SIK3: variants seen among roughly 807,000 people sequenced by gnomAD.
SIK3 encodes serine/threonine-protein kinase SIK3.
Under a neutral mutation model 144.2 loss-of-function variants are expected in SIK3, and 28 were observed. The observed-to-expected ratio is 0.19, with a 90% CI of 0.14 to 0.27. SIK3 has a LOEUF of 0.27. Ranked by LOEUF, SIK3 falls within the 10% of genes least tolerant of loss-of-function variation. The pLI, the probability that SIK3 is intolerant of heterozygous loss-of-function variation, is 1.00. For synonymous variants in SIK3, 686 were observed against 676.3 expected (o/e 1.01, Z -0.22); for missense variants, 1,319 against 1,776.0 (o/e 0.74, Z 4.62).
chr11:117,084,006 C>A (rs1463946715), intron 1 of SIK3, among the ~76,000 whole-genome samples: 1 of 152,180 alleles, frequency 6.6e-6, no homozygotes, highest in Non-Finnish European at 1.5e-5. Flanking sequence ...CCTCGAAGTA[C>A]ACACTATAAA....
chr11:116,859,866 G>A (rs1426750498), intron 19 of SIK3, among the ~76,000 whole-genome samples: 2 of 152,160 alleles, frequency 1.3e-5, no homozygotes, highest in African/African-American at 4.8e-5. Context: ...CTTAAAAGCT[G>A]GTCCATGGAT....
chr11:116,886,024 CCTT>C (rs1944799431), intron 6 of SIK3, among the ~76,000 whole-genome samples: 1 of 152,142 alleles, frequency 6.6e-6, no homozygotes, highest in African/African-American at 2.4e-5. Flanking sequence ...CTTGGAATGT[CCTT>C]CTTTTATTTT....
At chr11:116,991,327 A>C (rs1950494787) in intron 1 of SIK3, among the ~76,000 whole-genome samples, 1 of 152,156 alleles carries the variant, frequency 6.6e-6, no homozygotes, top group Non-Finnish European at 1.5e-5. Flanking sequence ...CACGCCCGTA[A>C]TCTCACCTAC....
rs183413083 is a variant in SIK3, at chr11:116,993,743, C to T, written c.274-36679G>A. Among the ~76,000 whole-genome samples, 314 of 152,190 alleles carry T rather than the reference C, an allele frequency of 2.1e-3. 3 individuals are homozygous for T. Among genetic ancestry groups the T allele is most frequent in the African/African-American group, 7.1e-3 (293 of 41,530 alleles). ...AGGAAACCAAACAGTAAAGAATGAG[C>T]GGAAAAATCATTAGCTGAAAAACCT... On this transcript the variant is annotated intron_variant, in intron 1 of 24. Coordinates refer to ENST00000445177, the MANE Select transcript of SIK3 (RefSeq NM_001366686.3).
chr11:117,089,060 C>T (rs139673740), intron 1 of SIK3, among the ~76,000 whole-genome samples: 34 of 151,970 alleles, frequency 2.2e-4, no homozygotes, highest in African/African-American at 5.1e-4. Flanking sequence ...AGAAAATAAA[C>T]GGCATCTAGC....
chr11:116,848,761 G>C (rs979883164), intron 22 of SIK3, among the ~76,000 whole-genome samples: 2 of 152,100 alleles, frequency 1.3e-5, no homozygotes, highest in African/African-American at 4.8e-5. Flanking sequence ...TCAGGAATTC[G>C]AGACCAGCCT....
intron 4 of SIK3, among the ~76,000 whole-genome samples, chr11:116,921,699 G>A (rs770627415): frequency 1.3e-5 from 2 of 152,046 alleles, no homozygotes; most frequent in Non-Finnish European, 2.9e-5. Context: ...AATGATCAAG[G>A]CTTCTTCTGT....
intron 15 of SIK3, chr11:116,864,093 T>A: frequency 3.5e-6 from 1 of 286,204 alleles, no homozygotes; most frequent in Non-Finnish European, 6.6e-6. Flanking sequence ...CCAGTTCTTA[T>A]AAATACACTA....
At position 116,846,515 on chromosome 11, in the gene SIK3, G is replaced by T. The variant is rs747405169; in HGVS notation, c.3991C>A (p.Leu1331Met). 1 of 1,614,154 alleles carries T rather than the reference G, an allele frequency of 6.2e-7. No individual in the cohort carries two copies. The highest frequency in any genetic ancestry group is 8.5e-7 in the Non-Finnish European group (1 of 1,180,014). ...ASLGGHEHPD[L>M]SDGSQHLNSS... Reference sequence around the variant, plus strand: ...TTTAAATGCTGGCTGCCATCACTCAGGTCTGGGTGCTCATGACCTCCCAGG... The same window carrying T: ...TTTAAATGCTGGCTGCCATCACTCATGTCTGGGTGCTCATGACCTCCCAGG... The change falls in exon 24 of 25, where the codon CTG becomes ATG. Residue 1331 changes from leucine (L) to methionine (M), a missense_variant. Leu to Met is a conservative substitution (Grantham distance 15). This residue lies in a region of SIK3 where 646 missense variants were observed against 763.7 expected (regional missense o/e 0.85). Coordinates refer to ENST00000445177, the MANE Select transcript of SIK3 (RefSeq NM_001366686.3). The surrounding 1 kb of genome is among the most constrained non-coding windows in gnomAD (Gnocchi z 4.1).
intron 1 of SIK3, among the ~76,000 whole-genome samples, chr11:116,967,014 AG>A (rs201491176): frequency 0.04 from 5,558 of 139,350 alleles, 352 homozygotes; most frequent in African/African-American, 0.096. Context: ...AAAAAAAAAA[AG>A]AAAAAGAAAA....
intron 3 of SIK3, among the ~76,000 whole-genome samples, chr11:116,951,629 A>G (rs1343188498): frequency 6.6e-6 from 1 of 152,146 alleles, no homozygotes; most frequent in East Asian, 1.9e-4. Flanking sequence ...GGACCAAGAA[A>G]CGGATCTCTC....
chr11:116,976,355 A>G (rs901189400), intron 1 of SIK3, among the ~76,000 whole-genome samples: 35 of 152,360 alleles, frequency 2.3e-4, no homozygotes, highest in African/African-American at 7.2e-4. Flanking sequence ...ATAAAACTCT[A>G]TGAAAACTCT....
intron 2 of SIK3, among the ~76,000 whole-genome samples, chr11:116,955,472 A>G (rs1043335959): frequency 6.6e-6 from 1 of 152,232 alleles, no homozygotes; most frequent in Non-Finnish European, 1.5e-5. Context: ...AGCTTGAAAG[A>G]AGGCACTGCT....
At chr11:116,956,199 T>C (rs1340312367) in intron 2 of SIK3, among the ~76,000 whole-genome samples, 9 of 152,102 alleles carry the variant, frequency 5.9e-5, no homozygotes. Flanking sequence ...AAAATATCTC[T>C]TTCACCAGCC....
At chr11:116,882,952 A>G (rs1944620474) in intron 6 of SIK3, among the ~76,000 whole-genome samples, 1 of 152,246 alleles carries the variant, frequency 6.6e-6, no homozygotes, top group African/African-American at 2.4e-5. Flanking sequence ...ACATGTTTCT[A>G]TGGAAAATGA....
At chr11:117,063,570 C>A (rs1408487284) in intron 1 of SIK3, among the ~76,000 whole-genome samples, 1 of 150,558 alleles carries the variant, frequency 6.6e-6, no homozygotes, top group Admixed American at 6.6e-5. Context: ...CAGGCTTTAA[C>A]TTCTTAATGA....
At chr11:116,917,855 G>GGAAAGGAAAGGAAAGGAAAA (rs1946746887) in intron 4 of SIK3, among the ~76,000 whole-genome samples, 1 of 151,444 alleles carries the variant, frequency 6.6e-6, no homozygotes, top group African/African-American at 2.4e-5. Flanking sequence ...GGAAAGGAAA[G>GGAAAGGAAAGGAAAGGAAAA]GAAAGGAAAG....
intron 3 of SIK3, among the ~76,000 whole-genome samples, chr11:116,945,734 G>A (rs981411720): frequency 6.6e-6 from 1 of 152,088 alleles, no homozygotes; most frequent in Non-Finnish European, 1.5e-5. Context: ...TTACACACAG[G>A]TAATTGAGCA....
intron 3 of SIK3, among the ~76,000 whole-genome samples, chr11:116,945,443 T>G (rs1948545222): frequency 6.7e-6 from 1 of 149,198 alleles, no homozygotes; most frequent in Non-Finnish European, 1.5e-5. Context: ...CAGGCTGGTT[T>G]CAAACTCCTG....
Sources: allele counts gnomAD v4.1 joint callset (sites outside exome capture counted in the v4.1 genomes callset), GRCh38; gene constraint gnomAD v4.1.1; regional missense constraint gnomAD v4.1.1; non-coding constraint Gnocchi (gnomAD v3.1); transcripts MANE v1.5; gene names NCBI Gene and HGNC (gene_info 2026-07-23, HGNC 2026-07-21).